RAPGEF2: variants seen among roughly 807,000 people sequenced by gnomAD.
The protein encoded by RAPGEF2 is PDZ domain containing guanine nucleotide exchange factor (GEF) 1.
A neutral mutation model predicts 186.7 loss-of-function variants in RAPGEF2; 54 were observed. That is an observed-to-expected ratio of 0.29 (90% confidence interval 0.23 to 0.36). The LOEUF (loss-of-function observed/expected upper bound fraction) is 0.36. Among genes scored for constraint, RAPGEF2 ranks in the 10% least tolerant of loss-of-function variants. RAPGEF2 has a pLI of 1.00. For missense variants in RAPGEF2, 1,532 were observed against 2,045.0 expected (o/e 0.75, Z 4.84); for synonymous variants, 712 against 705.9 (o/e 1.01, Z -0.14).
chr4:159,274,875 G>A (rs1579715544), intron 7 of RAPGEF2, among the ~76,000 whole-genome samples: 2 of 152,082 alleles, frequency 1.3e-5, no homozygotes, highest in East Asian at 3.9e-4. Flanking sequence ...GCAACAAATT[G>A]CATCATACAA....
At chr4:159,302,175 C>T (rs1006908962) in intron 7 of RAPGEF2, among the ~76,000 whole-genome samples, 5 of 152,140 alleles carry the variant, frequency 3.3e-5, no homozygotes, top group African/African-American at 9.7e-5. Context: ...GGATGAATGT[C>T]TCTTATGTTA....
At chr4:159,305,130 G>A (rs1763128260) in intron 8 of RAPGEF2, among the ~76,000 whole-genome samples, 1 of 152,170 alleles carries the variant, frequency 6.6e-6, no homozygotes, top group Non-Finnish European at 1.5e-5. Context: ...GAATAGTGCT[G>A]CAATAAACAT....
intron 11 of RAPGEF2, chr4:159,327,707 AT>A (rs1258600599): frequency 6.6e-6 from 1 of 152,198 alleles, no homozygotes. Flanking sequence ...ATTAGTTAAA[AT>A]TAAATGTTAC....
intron 7 of RAPGEF2, among the ~76,000 whole-genome samples, chr4:159,292,284 C>T (rs979430366): frequency 1.1e-4 from 16 of 152,222 alleles, no homozygotes; most frequent in African/African-American, 3.6e-4. Context: ...CTAAAACATG[C>T]GAACGCCACC....
At chr4:159,152,928 A>G (rs951030998) in intron 1 of RAPGEF2, among the ~76,000 whole-genome samples, 4 of 152,124 alleles carry the variant, frequency 2.6e-5, no homozygotes, top group Non-Finnish European at 4.4e-5. Context: ...AGTGTTATAT[A>G]TTTTAAAAGT....
At chr4:159,203,132 G>T (rs868857125) in intron 3 of RAPGEF2, among the ~76,000 whole-genome samples, 1 of 152,050 alleles carries the variant, frequency 6.6e-6, no homozygotes, top group Non-Finnish European at 1.5e-5. Context: ...AATGTGGAGC[G>T]GCACACACAG....
At chr4:159,301,709 A>G (rs1048035984) in intron 7 of RAPGEF2, among the ~76,000 whole-genome samples, 1 of 152,126 alleles carries the variant, frequency 6.6e-6, no homozygotes, top group Non-Finnish European at 1.5e-5. Context: ...AAATTTTAAA[A>G]TTAGCTAGAC....
Position 159,322,444 on chromosome 4 carries a change from G to A in RAPGEF2, c.951G>A (p.Val317=), listed in dbSNP as rs775051759. ...GTGCTGTGATGGTGTTCGCAGTGGTGGAAAGAGCAGGGACCATAGTGTTAA... is the reference window on the plus strand; with the variant it reads ...GTGCTGTGATGGTGTTCGCAGTGGTAGAAAGAGCAGGGACCATAGTGTTAA... ...ELCAVMVFAV[V]ERAGTIVLND... The change falls in exon 10 of 30, where the codon GTG becomes GTA. Residue 317 remains valine (V), a synonymous_variant. Coordinates refer to ENST00000691494, the MANE Select transcript of RAPGEF2 (RefSeq NM_001394067.2). The A allele has an allele frequency of 4.3e-6, 7 of 1,613,812 alleles. No homozygotes were observed. The South Asian group carries it at 4.4e-5, about 10-fold the overall frequency.
chr4:159,151,373 A>G (rs1005075887), intron 1 of RAPGEF2, among the ~76,000 whole-genome samples: 1 of 152,196 alleles, frequency 6.6e-6, no homozygotes, highest in Non-Finnish European at 1.5e-5. Context: ...AATGCAGTCA[A>G]ATGACCCAAT....
intron 7 of RAPGEF2, among the ~76,000 whole-genome samples, chr4:159,292,831 T>A (rs1228573791): frequency 6.6e-6 from 1 of 152,210 alleles, no homozygotes; most frequent in African/African-American, 2.4e-5. Context: ...GTCTTGATAT[T>A]TGAGTAGATA....
chr4:159,255,429 A>G (rs926277090), intron 7 of RAPGEF2, among the ~76,000 whole-genome samples: 1 of 151,808 alleles, frequency 6.6e-6, no homozygotes, highest in Non-Finnish European at 1.5e-5. Flanking sequence ...ATATTAAGAC[A>G]TAAGTGACCA....
At chr4:159,143,702 A>G (rs1382981002) in intron 1 of RAPGEF2, among the ~76,000 whole-genome samples, 1 of 152,170 alleles carries the variant, frequency 6.6e-6, no homozygotes, top group Non-Finnish European at 1.5e-5. Context: ...GTTGATACTT[A>G]CTGGGGAGCT....
At chr4:159,183,125 T>G (rs1206188425) in intron 1 of RAPGEF2, among the ~76,000 whole-genome samples, 1 of 152,186 alleles carries the variant, frequency 6.6e-6, no homozygotes, top group Non-Finnish European at 1.5e-5. Context: ...AAATCTCTTG[T>G]GAAAGGTAGA....
intron 29 of RAPGEF2, among the ~76,000 whole-genome samples, chr4:159,356,716 A>T (rs1732062823): frequency 6.6e-6 from 1 of 151,218 alleles, no homozygotes; most frequent in Non-Finnish European, 1.5e-5. Flanking sequence ...GCCTGGCCAA[A>T]GTAGTGAAAC....
chr4:159,318,979 T>C (rs1561272051), intron 9 of RAPGEF2, among the ~76,000 whole-genome samples: 2 of 152,212 alleles, frequency 1.3e-5, no homozygotes, highest in African/African-American at 4.8e-5. Flanking sequence ...TATAATTCTA[T>C]AGATTGTTCT....
At chr4:159,196,596 T>A (rs1003880371) in intron 3 of RAPGEF2, among the ~76,000 whole-genome samples, 1 of 152,204 alleles carries the variant, frequency 6.6e-6, no homozygotes, top group Non-Finnish European at 1.5e-5. Flanking sequence ...TAATAATAGT[T>A]CCTACCCGTC....
intron 1 of RAPGEF2, among the ~76,000 whole-genome samples, chr4:159,136,892 A>G (rs894516109): frequency 3.3e-5 from 5 of 152,180 alleles, no homozygotes; most frequent in Non-Finnish European, 7.3e-5. Context: ...TGAACTGGCT[A>G]CTGTTCCCTG....
At position 159,189,150 on chromosome 4, in the gene RAPGEF2, T is replaced by C. The variant is rs138294369; in HGVS notation, c.140+2438T>C. ...AGAGCAGTCAGTTAAGACTTCCACA[T>C]GACACAGTTTTACAATTTTAGGAAA... On this transcript the variant is annotated intron_variant, in intron 2 of 29. Coordinates refer to ENST00000691494, the MANE Select transcript of RAPGEF2 (RefSeq NM_001394067.2). 3.5e-3 allele frequency among the ~76,000 whole-genome samples: 536 copies of C among 152,350 alleles called. 3 individuals are homozygous for C. The highest frequency in any genetic ancestry group is 0.012 in the African/African-American group (512 of 41,574).
In RAPGEF2 at chr4:159,179,982, G is replaced by C. The variant is rs77099681; in HGVS notation, c.70-6660G>C. ...GCCTGCCTTTAATTCTTAGACCAGG[G>C]CATAGTGAGCCGATATGGGGCTTGG... is the stretch of plus-strand genomic sequence containing the variant. On this transcript the variant is annotated intron_variant, in intron 1 of 29. Transcript: ENST00000691494. Among the ~76,000 whole-genome samples, 296 of 152,278 alleles carry C rather than the reference G, an allele frequency of 1.9e-3. 2 individuals are homozygous for C. In the East Asian group the frequency reaches 0.047, roughly 24 times the overall value.
Sources: gnomAD v4.1 joint callset for allele counts (sites outside exome capture counted in the v4.1 genomes callset) on GRCh38, gnomAD v4.1.1 for gene constraint, MANE v1.5 for transcripts, NCBI Gene and HGNC (gene_info 2026-07-23, HGNC 2026-07-21) for gene names.